The following DTNA variants were observed in gnomAD, a reference collection of about 807,000 sequenced individuals.
DTNA encodes dystrophin-related protein 3.
In DTNA, 43 loss-of-function variants were observed where a neutral mutation model predicts 100.7. The ratio of observed to expected loss-of-function variants is 0.43; its 90% CI spans 0.33 to 0.55. The LOEUF (loss-of-function observed/expected upper bound fraction) is 0.55, where lower values mean the gene tolerates loss of function less well. Ranked by LOEUF, DTNA falls within the 20% of genes least tolerant of loss-of-function variation. The pLI is 0.04. For synonymous variants in DTNA, 349 were observed against 347.9 expected, an observed-to-expected ratio of 1.00 and a Z score of -0.04; for missense variants, 798 against 953.9, an observed-to-expected ratio of 0.84 and a Z score of 2.15.
chr18:34,518,642 C>T (rs953166339), intron 1 of DTNA, among the ~76,000 whole-genome samples: 5 of 146,142 alleles, frequency 3.4e-5, no homozygotes, highest in African/African-American at 1.3e-4. Flanking sequence ...TATGAATGTC[C>T]AGTTGCTCCA....
Position 34,891,127 on chromosome 18 carries a change from C to T in DTNA, c.*3393C>T, listed in dbSNP as rs1169879210. On this transcript the variant is annotated 3_prime_UTR_variant, in exon 23 of 23. Coordinates refer to ENST00000444659, the MANE Select transcript of DTNA (RefSeq NM_001386795.1). ...ATCTTGAGGCGAATTAACTGTAAGA[C>T]ATTTTTAATTATGACTACTGCAATT... 6.6e-6 allele frequency: 1 copy of T among 152,344 alleles called. No individual in the cohort carries two copies. Among genetic ancestry groups the T allele is most frequent in the African/African-American group, 2.4e-5 (1 of 41,402 alleles). 9.4% of individuals were successfully genotyped at this position (152,344 alleles called of 1,614,324 possible).
intron 1 of DTNA, among the ~76,000 whole-genome samples, chr18:34,693,896 A>G (rs1390888858): frequency 6.6e-6 from 1 of 152,118 alleles, no homozygotes; most frequent in Admixed American, 6.6e-5. Context: ...TGATTAGAAC[A>G]TATTTATATT....
At chr18:34,809,436 G>A (rs1307769708) in intron 5 of DTNA, among the ~76,000 whole-genome samples, 2 of 152,098 alleles carry the variant, frequency 1.3e-5, no homozygotes, top group East Asian at 1.9e-4. Context: ...GCAACAGAGC[G>A]AGACTCCATC....
chr18:34,820,935 C>A lies in DTNA; in HGVS notation c.1001+20C>A, dbSNP rs749759895. The A allele has an allele frequency of 6.2e-7, 1 of 1,610,224 alleles. No individual in the cohort carries two copies. The highest frequency in any genetic ancestry group is 8.5e-7 in the Non-Finnish European group (1 of 1,179,136). On this transcript the variant is annotated intron_variant, in intron 9 of 22. Coordinates refer to ENST00000444659, the MANE Select transcript of DTNA (RefSeq NM_001386795.1). ...CATCGTGTGAGTATCCCTACCCTCC[C>A]AGTATAGAGACAATTTTCTTCAAGG...
chr18:34,761,145 CACACACACACACACA>C (rs2093139202), intron 2 of DTNA, among the ~76,000 whole-genome samples: 1 of 149,602 alleles, frequency 6.7e-6, no homozygotes, highest in Non-Finnish European at 1.5e-5. Flanking sequence ...CACACACACA[CACACACACACACACA>C]CACACACACA....
At chr18:34,850,314 G>T (rs1204597303) in intron 14 of DTNA, among the ~76,000 whole-genome samples, 1 of 152,112 alleles carries the variant, frequency 6.6e-6, no homozygotes, top group Non-Finnish European at 1.5e-5. Flanking sequence ...AATACATAAA[G>T]TATATGCCAG....
intron 1 of DTNA, among the ~76,000 whole-genome samples, chr18:34,687,623 T>G (rs2079098615): frequency 6.6e-6 from 1 of 152,192 alleles, no homozygotes; most frequent in Non-Finnish European, 1.5e-5. Context: ...TTCTGTTGAT[T>G]TGGGGTGGAG....
chr18:34,514,483 A>G (rs1401309175), intron 1 of DTNA, among the ~76,000 whole-genome samples: 1 of 152,162 alleles, frequency 6.6e-6, no homozygotes, highest in East Asian at 1.9e-4. Flanking sequence ...GGTGAATCAC[A>G]GTGACTTTAT....
chr18:34,813,841 CAAAAA>C (rs34385959), intron 6 of DTNA, among the ~76,000 whole-genome samples: 1 of 71,588 alleles, frequency 1.4e-5, no homozygotes. Flanking sequence ...GACTCCATCT[CAAAAA>C]AAAAAAAAAA....
intron 1 of DTNA, among the ~76,000 whole-genome samples, chr18:34,657,259 T>C (rs1347501703): frequency 3.9e-5 from 6 of 152,222 alleles, no homozygotes; most frequent in Non-Finnish European, 8.8e-5. Context: ...AGGTTGTCAT[T>C]CTAAAAATAC....
chr18:34,875,110 C>T (rs2096801945), intron 17 of DTNA, 129 bp from the exon 18 acceptor site: 1 of 1,363,316 alleles, frequency 7.3e-7, no homozygotes, highest in Non-Finnish European at 1.0e-6. Flanking sequence ...ATTACCAACA[C>T]AATTACCTAG....
At chr18:34,517,773 T>C (rs892432382) in intron 1 of DTNA, among the ~76,000 whole-genome samples, 3 of 152,156 alleles carry the variant, frequency 2.0e-5, no homozygotes, top group African/African-American at 7.2e-5. Context: ...ACCCCCTGTG[T>C]CCATAGTTCA....
At chr18:34,669,374 TTATCCAA>T (rs990015061) in intron 1 of DTNA, among the ~76,000 whole-genome samples, 3 of 152,214 alleles carry the variant, frequency 2.0e-5, no homozygotes, top group East Asian at 1.9e-4. Context: ...TCTTGACTCT[TTATCCAA>T]TTTGCCAGTC....
intron 1 of DTNA, among the ~76,000 whole-genome samples, chr18:34,654,283 A>G (rs2074034792): frequency 2.0e-5 from 3 of 152,220 alleles, no homozygotes; most frequent in African/African-American, 2.4e-5. Flanking sequence ...CCCCATTTCA[A>G]TGTAGTTACT....
Position 34,815,989 on chromosome 18 carries a change from G to T in DTNA, c.684G>T (p.Leu228=), listed in dbSNP as rs1487954309. 2 of 1,613,742 alleles carry T rather than the reference G, an allele frequency of 1.2e-6. No homozygotes were observed. Among genetic ancestry groups the T allele is most frequent in the East Asian group, 4.5e-5 (2 of 44,868 alleles). ...AGTGTCTGGTCTGGTTGCCTCTTCT[G>T]CATCGACTAGCAAATGTGGAAAATG... ...PPQCLVWLPL[L]HRLANVENVF... The change falls in exon 7 of 23, where the codon CTG becomes CTT. Residue 228 remains leucine (L), a synonymous_variant. Coordinates refer to ENST00000444659, the MANE Select transcript of DTNA (RefSeq NM_001386795.1).
chr18:34,808,744 C>T (rs1334361726), intron 5 of DTNA, among the ~76,000 whole-genome samples: 3 of 152,166 alleles, frequency 2.0e-5, no homozygotes, highest in Non-Finnish European at 4.4e-5. Context: ...ATCCCATCAC[C>T]CTCCAAAAAG....
rs1020632005 is a variant in DTNA at position 34,888,512 on chromosome 18, A to G, written c.*778A>G. The G allele has an allele frequency of 3.0e-6, 3 of 985,734 alleles. No homozygotes were observed. In the African/African-American group the frequency reaches 5.2e-5, roughly 17 times the overall value. 61.1% of individuals were successfully genotyped at this position (985,734 alleles called of 1,614,324 possible). ...CTTTCAAGATACTCTAATCAGCCAT[A>G]GAATTTAGTGTAAATATTTTTTTTT... On this transcript the variant is annotated 3_prime_UTR_variant, in exon 23 of 23. Coordinates refer to ENST00000444659, the MANE Select transcript of DTNA (RefSeq NM_001386795.1).
At chr18:34,534,008 T>G (rs1251459110) in intron 1 of DTNA, among the ~76,000 whole-genome samples, 1 of 152,126 alleles carries the variant, frequency 6.6e-6, no homozygotes, top group Non-Finnish European at 1.5e-5. Context: ...CCCTTAACTA[T>G]GTTGAACCTC....
intron 1 of DTNA, among the ~76,000 whole-genome samples, chr18:34,668,628 T>C (rs866100685): frequency 1.3e-5 from 2 of 152,240 alleles, no homozygotes; most frequent in African/African-American, 4.8e-5. Flanking sequence ...ATGTTTTGTC[T>C]TTGTTCTCGT....
Sources: allele counts gnomAD v4.1 joint callset (sites outside exome capture counted in the v4.1 genomes callset), GRCh38; gene constraint gnomAD v4.1.1; transcripts MANE v1.5; gene names NCBI Gene and HGNC (gene_info 2026-07-23, HGNC 2026-07-21).